Variants in APBA2 observed in about 807,000 individuals in gnomAD.
The protein encoded by APBA2 is amyloid beta precursor protein binding family A member 2.
In APBA2, 30 loss-of-function variants were observed where a neutral mutation model predicts 75.0. The observed-to-expected ratio is 0.40, with a 90% CI of 0.30 to 0.54. The LOEUF is 0.54. Ranked by LOEUF, APBA2 falls within the 20% of genes least tolerant of loss-of-function variation. APBA2 has a pLI of 0.49. For synonymous variants in APBA2, 444 were observed against 409.6 expected (o/e 1.08, Z -1.01); for missense variants, 801 against 1,016.1 (o/e 0.79, Z 2.88).
chr15:29,087,044 A>G (rs2043320511), intron 6 of APBA2, among the ~76,000 whole-genome samples: 1 of 152,010 alleles, frequency 6.6e-6, no homozygotes, highest in African/African-American at 2.4e-5. Context: ...CCATATCTCC[A>G]TCTTGCCTTC....
At chr15:28,920,730 G>C (rs2033929420) in intron 1 of APBA2, among the ~76,000 whole-genome samples, 3 of 152,192 alleles carry the variant, frequency 2.0e-5, no homozygotes, top group African/African-American at 7.2e-5. Flanking sequence ...ATGGCTGTCA[G>C]CTCCCTCGTT....
At chr15:29,068,212 C>T (rs887935717) in intron 4 of APBA2, among the ~76,000 whole-genome samples, 4 of 152,138 alleles carry the variant, frequency 2.6e-5, no homozygotes, top group African/African-American at 9.7e-5. Flanking sequence ...GAATTTTAGC[C>T]CCAGTAGGTT....
intron 4 of APBA2, among the ~76,000 whole-genome samples, chr15:29,071,662 C>T (rs1225916967): frequency 6.7e-6 from 1 of 148,712 alleles, no homozygotes; most frequent in Admixed American, 6.8e-5. Flanking sequence ...ATGCTGCCAG[C>T]CCCCCAACCC....
At chr15:28,940,883 G>GA (rs1217150162) in intron 2 of APBA2, among the ~76,000 whole-genome samples, 1 of 152,186 alleles carries the variant, frequency 6.6e-6, no homozygotes, top group African/African-American at 2.4e-5. Context: ...ATTAAAAGAG[G>GA]AAAAAAACTA....
intron 2 of APBA2, among the ~76,000 whole-genome samples, chr15:28,950,450 A>T (rs1191877955): frequency 6.6e-6 from 1 of 151,858 alleles, no homozygotes; most frequent in African/African-American, 2.4e-5. Context: ...ACATGGTGAA[A>T]CCCCGTCTCT....
intron 2 of APBA2, among the ~76,000 whole-genome samples, chr15:28,978,773 G>A (rs2037472011): frequency 6.6e-6 from 1 of 152,216 alleles, no homozygotes; most frequent in African/African-American, 2.4e-5. Flanking sequence ...GACTGCAGGA[G>A]GGTGGGCACA....
intron 6 of APBA2, among the ~76,000 whole-genome samples, chr15:29,077,047 C>G (rs536489085): frequency 1.3e-5 from 2 of 152,302 alleles, no homozygotes; most frequent in African/African-American, 2.4e-5. Context: ...GGGTGAGAAT[C>G]TGTTTTAAAC....
intron 2 of APBA2, among the ~76,000 whole-genome samples, chr15:28,932,144 G>A (rs1457416551): frequency 6.6e-6 from 1 of 152,166 alleles, no homozygotes; most frequent in Non-Finnish European, 1.5e-5. Context: ...AAGGGAGCCA[G>A]CCAATGAGAT....
intron 6 of APBA2, among the ~76,000 whole-genome samples, chr15:29,081,853 T>A (rs1177561952): frequency 6.6e-6 from 1 of 152,248 alleles, no homozygotes; most frequent in African/African-American, 2.4e-5. Context: ...GCCTTGTGGC[T>A]ACGCCTTTGT....
At chr15:28,971,251 G>T (rs976341447) in intron 2 of APBA2, among the ~76,000 whole-genome samples, 7 of 151,992 alleles carry the variant, frequency 4.6e-5, no homozygotes, top group African/African-American at 1.7e-4. Flanking sequence ...GATAAGGGGG[G>T]ATCCCTGCAA....
rs2044430490 is a variant in APBA2, at chr15:29,106,754, A to T, written c.1852A>T (p.Ile618Phe). The T allele has an allele frequency of 6.2e-7, 1 of 1,613,028 alleles. No individual in the cohort carries two copies. The highest frequency in any genetic ancestry group is 8.5e-7 in the Non-Finnish European group (1 of 1,179,990). Residue 618 changes from isoleucine to phenylalanine, a missense_variant, in exon 12 of 15, where the codon ATC (isoleucine) becomes TTC (phenylalanine). By Grantham distance (21) the Ile-to-Phe change is conservative. Coordinates refer to ENST00000683413, the MANE Select transcript of APBA2 (RefSeq NM_001353788.2). ...RSGKLSIGDQIMSINGTSLVG... is the reference protein window; with the variant it reads ...RSGKLSIGDQFMSINGTSLVG... Reference sequence around the variant, plus strand: ...GGGGAAGCTGAGCATCGGGGACCAGATCATGTCCATCAATGGCACCAGCCT... The same window carrying T: ...GGGGAAGCTGAGCATCGGGGACCAGTTCATGTCCATCAATGGCACCAGCCT...
Position 28,998,329 on chromosome 15 carries a change from C to A in APBA2, c.-41+2523C>A, listed in dbSNP as rs1336424402. Among the ~76,000 whole-genome samples, 4 of 150,436 alleles carry A rather than the reference C, an allele frequency of 2.7e-5. No homozygotes were observed. The East Asian group carries it at 7.8e-4, about 29-fold the overall frequency. Reference sequence around the variant, plus strand: ...AAAATCAGCGATTATCCTGAAGGAACACAGAAAAGATTAATAAGCTGTATT... The same window carrying A: ...AAAATCAGCGATTATCCTGAAGGAAAACAGAAAAGATTAATAAGCTGTATT... On this transcript the variant is annotated intron_variant, in intron 3 of 14. Transcript: ENST00000683413.
chr15:29,000,077 C>T (rs987205067), intron 3 of APBA2, among the ~76,000 whole-genome samples: 1 of 152,138 alleles, frequency 6.6e-6, no homozygotes, highest in African/African-American at 2.4e-5. Context: ...TGAGGAGGGC[C>T]GTCTGCTTTA....
chr15:29,074,812 C>T (rs1048133969), intron 4 of APBA2, 109 bp from the exon 5 acceptor site: 1 of 874,802 alleles, frequency 1.1e-6, no homozygotes, highest in African/African-American at 1.7e-5. Flanking sequence ...TATACACATA[C>T]AGACATACAC....
chr15:28,944,232 C>T (rs992652028), intron 2 of APBA2, among the ~76,000 whole-genome samples: 4 of 152,198 alleles, frequency 2.6e-5, no homozygotes, highest in Non-Finnish European at 4.4e-5. Flanking sequence ...TCACCCAGAG[C>T]TCTTTCGCGG....
intron 11 of APBA2, 88 bp from the exon 12 acceptor site, chr15:29,106,519 A>G: frequency 7.0e-7 from 1 of 1,431,876 alleles, no homozygotes; most frequent in Non-Finnish European, 9.7e-7. Context: ...ATGTGCCAGG[A>G]CAGGGTCAGC....
intron 3 of APBA2, among the ~76,000 whole-genome samples, chr15:29,035,389 A>G (rs1219428010): frequency 2.7e-5 from 4 of 150,836 alleles, no homozygotes; most frequent in Non-Finnish European, 5.9e-5. Flanking sequence ...AGGGGAAAGC[A>G]TGAATCGACT....
chr15:28,921,259 G>A (rs900588871), intron 1 of APBA2, among the ~76,000 whole-genome samples: 1 of 152,110 alleles, frequency 6.6e-6, no homozygotes, highest in Admixed American at 6.6e-5. Context: ...AATGGCACGA[G>A]ATTTCCCTTA....
chr15:29,045,241 G>A (rs1282457617), intron 3 of APBA2, among the ~76,000 whole-genome samples: 1 of 146,920 alleles, frequency 6.8e-6, no homozygotes, highest in Non-Finnish European at 1.5e-5. Flanking sequence ...ACCATGCCTG[G>A]CTAATTTTTT....
Sources: allele counts gnomAD v4.1 joint callset (sites outside exome capture counted in the v4.1 genomes callset), GRCh38; gene constraint gnomAD v4.1.1; transcripts MANE v1.5; gene names NCBI Gene and HGNC (gene_info 2026-07-23, HGNC 2026-07-21).